Variants in CHRNA7 observed in about 807,000 individuals in gnomAD.
CHRNA7 encodes neuronal acetylcholine receptor subunit alpha-7.
Under a neutral mutation model 48.0 loss-of-function variants are expected in CHRNA7, and 17 were observed. That is an observed-to-expected ratio of 0.35 (90% CI 0.24 to 0.53). The LOEUF (loss-of-function observed/expected upper bound fraction) is 0.53, where lower values mean the gene tolerates loss of function less well. Ranked by LOEUF, CHRNA7 falls within the 20% of genes least tolerant of loss-of-function variation. The pLI is 0.92. For missense variants in CHRNA7, 155 were observed against 577.7 expected (o/e 0.27, Z 7.50); for synonymous variants, 75 against 242.3 (o/e 0.31, Z 6.41).
chr15:32,066,569 C>T (rs1345006591), intron 2 of CHRNA7, among the ~76,000 whole-genome samples: 1 of 152,134 alleles, frequency 6.6e-6, no homozygotes, highest in Non-Finnish European at 1.5e-5. Context: ...CATGAGCCAC[C>T]ATGCCCAGCC....
chr15:32,093,993 G>A (rs1334049277), intron 2 of CHRNA7, among the ~76,000 whole-genome samples: 1 of 152,292 alleles, frequency 6.6e-6, no homozygotes. Context: ...CTCTGCCTCA[G>A]TGGCTCTTTG....
chr15:32,063,542 A>G (rs750905933), intron 2 of CHRNA7, among the ~76,000 whole-genome samples: 2 of 152,202 alleles, frequency 1.3e-5, no homozygotes, highest in Admixed American at 1.3e-4. Flanking sequence ...CCAACCAGGT[A>G]GTTTCCCCAA....
At chr15:32,078,679 A>AAG (rs2050171021) in intron 2 of CHRNA7, among the ~76,000 whole-genome samples, 1 of 150,950 alleles carries the variant, frequency 6.6e-6, no homozygotes, top group Non-Finnish European at 1.5e-5. Flanking sequence ...AAAAAAAAAA[A>AAG]GCCCAGGACC....
chr15:32,073,472 T>G (rs976324908), intron 2 of CHRNA7, among the ~76,000 whole-genome samples: 2 of 152,220 alleles, frequency 1.3e-5, no homozygotes, highest in African/African-American at 4.8e-5. Flanking sequence ...CTGGAATAAG[T>G]TAAGACATTT....
At chr15:32,043,294 CAT>C (rs1278503854) in intron 2 of CHRNA7, among the ~76,000 whole-genome samples, 1 of 152,078 alleles carries the variant, frequency 6.6e-6, no homozygotes, top group East Asian at 1.9e-4. Context: ...ATAAGTAACA[CAT>C]AGTTGGGTTT....
At chr15:32,078,151 A>G (rs1323329192) in intron 2 of CHRNA7, among the ~76,000 whole-genome samples, 1 of 152,154 alleles carries the variant, frequency 6.6e-6, no homozygotes, top group Non-Finnish European at 1.5e-5. Context: ...TCTTTCAATT[A>G]CTTTCTCCCA....
intron 2 of CHRNA7, among the ~76,000 whole-genome samples, chr15:32,040,260 G>C (rs1595374086): frequency 6.6e-6 from 1 of 152,088 alleles, no homozygotes. Flanking sequence ...GATATAGTTG[G>C]ATCAATAACT....
At chr15:32,146,466 C>G (rs991170362) in intron 4 of CHRNA7, among the ~76,000 whole-genome samples, 1 of 152,086 alleles carries the variant, frequency 6.6e-6, no homozygotes, top group Non-Finnish European at 1.5e-5. Flanking sequence ...AAGGAATAAA[C>G]CTGTTATCAT....
intron 4 of CHRNA7, among the ~76,000 whole-genome samples, chr15:32,133,877 A>G (rs2051198888): frequency 6.6e-6 from 1 of 152,214 alleles, no homozygotes; most frequent in Admixed American, 6.5e-5. Flanking sequence ...CAGGATCTCC[A>G]TAGACACGGT....
intron 2 of CHRNA7, among the ~76,000 whole-genome samples, chr15:32,040,250 G>C (rs1606659): frequency 6.6e-6 from 1 of 151,800 alleles, no homozygotes; most frequent in Non-Finnish European, 1.5e-5. Flanking sequence ...AGTGATTGTC[G>C]ATATAGTTGG....
Position 32,098,909 on chromosome 15 carries a change from CTTT to C in CHRNA7, c.196-2391_196-2389del, listed in dbSNP as rs543784879. The C allele has an allele frequency of 6.6e-3, 1,021 of 154,198 alleles. 9 individuals carry two copies. The highest frequency in any genetic ancestry group is 9.8e-3 in the Middle Eastern group (3 of 306). 9.6% of individuals were successfully genotyped at this position (154,198 alleles called of 1,614,324 possible). A position where few individuals can be genotyped will look rare whatever the true frequency, so the allele number is the denominator to read the frequency against. ...ACACACACACACACACACACACACA[CTTT>C]TTATTCTAGGAGCTCAGGAGCAATA... On this transcript the variant is annotated intron_variant, in intron 2 of 9. Transcript: ENST00000306901.
intron 2 of CHRNA7, among the ~76,000 whole-genome samples, chr15:32,051,246 C>T (rs1449838242): frequency 2.6e-5 from 4 of 151,844 alleles, no homozygotes; most frequent in Non-Finnish European, 1.5e-5. Flanking sequence ...TGCCCTGCCC[C>T]CAGAGGTGGA....
intron 2 of CHRNA7, among the ~76,000 whole-genome samples, chr15:32,032,811 T>C (rs1321006497): frequency 6.6e-6 from 1 of 152,166 alleles, no homozygotes; most frequent in African/African-American, 2.4e-5. Flanking sequence ...TTGCAAAGGC[T>C]GCGGCAGCAC....
chr15:32,031,059 G>C (rs202124963), intron 2 of CHRNA7, 22 bp downstream of exon 2: 26 of 1,613,406 alleles, frequency 1.6e-5, no homozygotes, highest in Non-Finnish European at 1.7e-5. Flanking sequence ...CTGGCTACAG[G>C]GCTGCCCTCT....
At chr15:32,096,352 A>AT (rs1255251557) in intron 2 of CHRNA7, among the ~76,000 whole-genome samples, 1 of 151,884 alleles carries the variant, frequency 6.6e-6, no homozygotes, top group South Asian at 2.1e-4. Flanking sequence ...TTTCTGATTG[A>AT]TTTTTTGGAG....
intron 2 of CHRNA7, chr15:32,098,885 C>CACAT (rs1566837203): frequency 6.5e-6 from 1 of 153,336 alleles, no homozygotes; most frequent in Non-Finnish European, 1.4e-5. Flanking sequence ...CACACACACA[C>CACAT]ACACACACAC....
intron 2 of CHRNA7, among the ~76,000 whole-genome samples, chr15:32,073,893 C>T (rs1412050385): frequency 3.3e-5 from 5 of 152,252 alleles, no homozygotes; most frequent in Admixed American, 2.0e-4. Flanking sequence ...AAATAAATCT[C>T]TTTCCTTTAT....
rs1180026795 is a variant in CHRNA7, at chr15:32,170,332, C to A, written c.*1874C>A. 36 of 135,628 alleles carry A rather than the reference C, an allele frequency of 2.7e-4. No homozygotes were observed. Among genetic ancestry groups the A allele is most frequent in the Middle Eastern group, 3.7e-3 (1 of 268 alleles). 8.4% of individuals were successfully genotyped at this position (135,628 alleles called of 1,614,324 possible). A position where few individuals can be genotyped will look rare whatever the true frequency, so the allele number is the denominator to read the frequency against. On this transcript the variant is annotated 3_prime_UTR_variant, in exon 10 of 10. Coordinates refer to ENST00000306901, the MANE Select transcript of CHRNA7 (RefSeq NM_000746.6). ...CTCACTTACGAGAAAGTTGGTGGATCAGGACATTCCAGCCTCAGGCGGCTT... is the reference window on the plus strand; with the variant it reads ...CTCACTTACGAGAAAGTTGGTGGATAAGGACATTCCAGCCTCAGGCGGCTT...
chr15:32,075,520 A>G (rs1303574432), intron 2 of CHRNA7, among the ~76,000 whole-genome samples: 1 of 152,050 alleles, frequency 6.6e-6, no homozygotes, highest in Non-Finnish European at 1.5e-5. Flanking sequence ...TTATCCTTTG[A>G]TATCTGCAGG....
Sources: allele counts gnomAD v4.1 joint callset (sites outside exome capture counted in the v4.1 genomes callset), GRCh38; gene constraint gnomAD v4.1.1; transcripts MANE v1.5; gene names NCBI Gene and HGNC (gene_info 2026-07-23, HGNC 2026-07-21).